The following SPATA31A6 variants were observed in gnomAD, a reference collection of about 807,000 sequenced individuals.
SPATA31A6 encodes spermatogenesis-associated protein 31A6.
A neutral mutation model predicts 11.9 loss-of-function variants in SPATA31A6; 9 were observed. That is an observed-to-expected ratio of 0.76 (90% CI 0.46 to 1.32). The LOEUF is 1.32. Ranked by LOEUF, SPATA31A6 falls within the 40% of genes most tolerant of loss-of-function variation. The pLI is 0.00. For synonymous variants in SPATA31A6, 314 were observed against 572.1 expected (o/e 0.55, Z 6.44); for missense variants, 855 against 1,467.3 (o/e 0.58, Z 6.82).
At position 42,186,927 on chromosome 9, in the gene SPATA31A6, T is replaced by G. The variant is rs1829465234; in HGVS notation, c.1225T>G (p.Trp409Gly). Residue 409 changes from tryptophan (W) to glycine (G), a missense_variant, in exon 4 of 4, where the codon TGG becomes GGG. Transcript: ENST00000332857. The stretch of plus-strand genomic sequence containing the variant: ...TCCTAGGCTCTTGCAGGAAAGTTTT[T>G]GGAAGAATTATAGCCAGCTTTTCTG... ...SDPRLLQESFWKNYSQLFWGL... is the reference protein window; with the variant it reads ...SDPRLLQESFGKNYSQLFWGL... 6.5e-7 allele frequency: 1 copy of G among 1,541,338 alleles called. No homozygotes were observed. Among genetic ancestry groups the G allele is most frequent in the East Asian group, 2.4e-5 (1 of 42,072 alleles).
At position 42,183,677 on chromosome 9, in the gene SPATA31A6, T is replaced by C. The variant is rs62556735; in HGVS notation, c.-11T>C. ...AGAGCTCAGTTGCTTGAAAGCAACG[T>C]GCCTATTCACATGGAGAATCTTCCC... is the stretch of plus-strand genomic sequence containing the variant. On this transcript the variant is annotated 5_prime_UTR_variant, in exon 1 of 4. Coordinates refer to ENST00000332857, the MANE Select transcript of SPATA31A6 (RefSeq NM_001145196.1). 795,414 of 1,489,260 alleles carry C rather than the reference T, an allele frequency of 0.53. 259,162 individuals are homozygous for C. The highest frequency in any genetic ancestry group is 0.77 in the East Asian group (31,811 of 41,160). 92.3% of individuals were successfully genotyped at this position (1,489,260 alleles called of 1,614,324 possible). A position where few individuals can be genotyped will look rare whatever the true frequency, so the allele number is the denominator to read the frequency against.
chr9:42,184,604 A>C (rs1279067123), intron 1 of SPATA31A6, among the ~76,000 whole-genome samples: 2 of 135,662 alleles, frequency 1.5e-5, no homozygotes, highest in East Asian at 4.4e-4. Flanking sequence ...ATATAGGCTC[A>C]CTGCAACCTC....
Position 42,186,894 on chromosome 9 carries a change from T to C in SPATA31A6, c.1192T>C (p.Cys398Arg), listed in dbSNP as rs2808967. The C allele has an allele frequency of 7.5e-3, 11,482 of 1,529,970 alleles. 938 individuals are homozygous for C. Among genetic ancestry groups the C allele is most frequent in the South Asian group, 0.069 (5,781 of 84,262 alleles). The allele number at this position is 1,529,970 out of a possible 1,614,324, so 94.8% of individuals were successfully genotyped here. Reference protein sequence around the residue: ...NSKQLPGPQKCSDPRLLQESF... With the variant: ...NSKQLPGPQKRSDPRLLQESF... Reference sequence around the variant, plus strand: ...GAAACAGCTGCCCGGACCTCAGAAGTGCTCAGATCCTAGGCTCTTGCAGGA... The same window carrying C: ...GAAACAGCTGCCCGGACCTCAGAAGCGCTCAGATCCTAGGCTCTTGCAGGA... The change falls in exon 4 of 4, where the codon TGC becomes CGC. Residue 398 changes from cysteine (C) to arginine (R), a missense_variant. Coordinates refer to ENST00000332857, the MANE Select transcript of SPATA31A6 (RefSeq NM_001145196.1).
In SPATA31A6 at chr9:42,184,537, T is replaced by TTTTATTTTA. The variant is rs1554653567; in HGVS notation, c.190-524_190-523insATTTATTTT. Among the ~76,000 whole-genome samples, 183 of 131,612 alleles carry TTTTATTTTA rather than the reference T, an allele frequency of 1.4e-3. 35 individuals carry two copies. The highest frequency in any genetic ancestry group is 5.5e-3 in the African/African-American group (172 of 31,490). The allele number at this position is 131,612 out of a possible 152,430, so 86.3% of individuals were successfully genotyped here. A position where few individuals can be genotyped will look rare whatever the true frequency, so the allele number is the denominator to read the frequency against. On this transcript the variant is annotated intron_variant, in intron 1 of 3. Transcript: ENST00000332857. ...TTTTATTTTATTTTATTTTATTTTATTTTATTTTTTGAGATGGAGTCTCGC... is the reference window on the plus strand; with the variant it reads ...TTTTATTTTATTTTATTTTATTTTATTTTATTTTATTTATTTTTTGAGATGGAGTCTCGC...
intron 1 of SPATA31A6, among the ~76,000 whole-genome samples, chr9:42,184,580 A>C (rs1829410134): frequency 7.5e-6 from 1 of 133,338 alleles, no homozygotes; most frequent in African/African-American, 3.1e-5. Context: ...CGCAGGTTGC[A>C]GTGAAATGGA....
Position 42,186,863 on chromosome 9 carries a change from G to C in SPATA31A6, c.1161G>C (p.Glu387Asp). 6.5e-7 allele frequency: 1 copy of C among 1,536,222 alleles called. No individual in the cohort carries two copies. Among genetic ancestry groups the C allele is most frequent in the Non-Finnish European group, 8.8e-7 (1 of 1,142,310 alleles). ...CAAAACCCTTCTGGAACATGGGAGA[G>C]AACTCGAAACAGCTGCCCGGACCTC... is the stretch of plus-strand genomic sequence containing the variant. The part of the protein sequence containing the change: ...TNPKPFWNMG[E>D]NSKQLPGPQK... The change falls in exon 4 of 4, where the codon GAG (glutamate) becomes GAC (aspartate). Residue 387 changes from glutamate (E) to aspartate (D), a missense_variant. Physicochemically the swap from Glu to Asp is conservative, Grantham distance 45. Transcript: ENST00000332857.
rs544015600 is a variant in SPATA31A6 at position 42,185,047 on chromosome 9, C to T, written c.190-22C>T. 1.2e-4 allele frequency: 191 copies of T among 1,536,258 alleles called. 26 individuals carry two copies. Among genetic ancestry groups the T allele is most frequent in the Non-Finnish European group, 1.6e-4 (185 of 1,135,814 alleles). On this transcript the variant is annotated intron_variant, in intron 1 of 3. Transcript: ENST00000332857. ...TTGTCTCTCCGCGTCATCTTGTCTC[C>T]GTACGTCATCATGTCTCCCAGTGTC...
chr9:42,184,016 G>A lies in SPATA31A6; in HGVS notation c.189+140G>A. 3 of 1,390,430 alleles carry A rather than the reference G, an allele frequency of 2.2e-6. 1 individual carries two copies. The highest frequency in any genetic ancestry group is 9.6e-7 in the Non-Finnish European group (1 of 1,044,054). 86.1% of individuals were successfully genotyped at this position (1,390,430 alleles called of 1,614,324 possible). ...GACCAGAACATCATCCTTCCAGGGA[G>A]AGGCAGGGCAGCCAGGGGTTGGTAG... On this transcript the variant is annotated intron_variant, in intron 1 of 3. Transcript: ENST00000332857.
Position 42,188,898 on chromosome 9 carries a change from C to T in SPATA31A6, c.3196C>T (p.Gln1066Ter), listed in dbSNP as rs750140371. The change falls in exon 4 of 4, where the codon CAG becomes TAG. Residue 1066 changes from glutamine (Q) to a stop codon, truncating the protein, a stop_gained. Coordinates refer to ENST00000332857, the MANE Select transcript of SPATA31A6 (RefSeq NM_001145196.1). LOFTEE classifies it low-confidence loss of function (END_TRUNC). Reference sequence around the variant, plus strand: ...GCCTACTGGGAACATGCGGGCTTCCCAGGAGCTACATGACCTCATGGCAGC... The same window carrying T: ...GCCTACTGGGAACATGCGGGCTTCCTAGGAGCTACATGACCTCATGGCAGC... ...SMPTGNMRAS[Q>*]ELHDLMAARR... The T allele has an allele frequency of 1.6e-5, 24 of 1,544,676 alleles. 3 individuals carry two copies. The highest frequency in any genetic ancestry group is 3.1e-5 in the African/African-American group (2 of 64,146).
rs749137820 is a variant in SPATA31A6, at chr9:42,187,790, G to C, written c.2088G>C (p.Glu696Asp). ...PRKVLGVTSE[E>D]SERNLRKPLR... ...AGGTTCTGGGGGTGACTTCTGAGGA[G>C]TCGGAAAGGAACTTGAGGAAGCCCT... Residue 696 changes from glutamate (E) to aspartate (D), a missense_variant, in exon 4 of 4, where the codon GAG (glutamate) becomes GAC (aspartate). Coordinates refer to ENST00000332857, the MANE Select transcript of SPATA31A6 (RefSeq NM_001145196.1). 8.0e-6 allele frequency: 12 copies of C among 1,491,436 alleles called. 2 individuals carry two copies. The South Asian group carries it at 1.4e-4, about 18-fold the overall frequency. The allele number at this position is 1,491,436 out of a possible 1,614,324, so 92.4% of individuals were successfully genotyped here.
rs1361766311 is a variant in SPATA31A6, at chr9:42,184,737, A to C, written c.190-332A>C. On this transcript the variant is annotated intron_variant, in intron 1 of 3. Coordinates refer to ENST00000332857, the MANE Select transcript of SPATA31A6 (RefSeq NM_001145196.1). ...GTAGAGACGGGGTTTCACCATGGCC[A>C]GGCTGGTCTCAAACTCCTGACCTCA... Among the ~76,000 whole-genome samples, 22 of 135,832 alleles carry C rather than the reference A, an allele frequency of 1.6e-4. 4 individuals are homozygous for C. Among genetic ancestry groups the C allele is most frequent in the South Asian group, 4.8e-4 (2 of 4,200 alleles). The allele number at this position is 135,832 out of a possible 152,430, so 89.1% of individuals were successfully genotyped here.
At position 42,183,819 on chromosome 9, in the gene SPATA31A6, C is replaced by A; in HGVS notation, c.132C>A (p.Pro44=). 1.3e-6 allele frequency: 2 copies of A among 1,534,248 alleles called. No homozygotes were observed. Among genetic ancestry groups the A allele is most frequent in the Non-Finnish European group, 1.8e-6 (2 of 1,138,100 alleles). ...FALGFFFLLL[P]YLSYFHCDDP... ...TGGGGTTCTTCTTCCTATTACTCCC[C>A]TACTTATCTTACTTCCATTGTGATG... Residue 44 remains proline (P), a synonymous_variant, in exon 1 of 4, where the codon CCC becomes CCA. Coordinates refer to ENST00000332857, the MANE Select transcript of SPATA31A6 (RefSeq NM_001145196.1).
In SPATA31A6 at chr9:42,189,277, G is replaced by T. The variant is rs1433174943; in HGVS notation, c.3575G>T (p.Arg1192Ile). Residue 1192 changes from arginine to isoleucine, a missense_variant, in exon 4 of 4, where the codon AGA (arginine) becomes ATA (isoleucine). Transcript: ENST00000332857. ...TAESQKTVKN[R>I]SCVYSSSAEA... is the part of the protein sequence containing the mutation. ...GAGAGCCAAAAAACAGTAAAAAACAGATCATGTGTGTACAGCAGCAGTGCT... is the reference window on the plus strand; with the variant it reads ...GAGAGCCAAAAAACAGTAAAAAACATATCATGTGTGTACAGCAGCAGTGCT... 9.0e-6 allele frequency: 14 copies of T among 1,561,528 alleles called. 1 individual carries two copies. The highest frequency in any genetic ancestry group is 2.3e-5 in the South Asian group (2 of 87,970).
At position 42,186,668 on chromosome 9, in the gene SPATA31A6, T is replaced by C. The variant is rs1419541253; in HGVS notation, c.966T>C (p.Ser322=). The change falls in exon 4 of 4, where the codon TCT becomes TCC. Residue 322 remains serine, a synonymous_variant. Transcript: ENST00000332857. ...MEAGSLFLLS[S]DGQNVVGIQV... ...CTGGTAGCCTGTTTTTGCTCAGCTC[T>C]GATGGCCAGAATGTCGTGGGGATAC... is the stretch of plus-strand genomic sequence containing the variant. The C allele has an allele frequency of 6.5e-7, 1 of 1,532,086 alleles. No homozygotes were observed. The highest frequency in any genetic ancestry group is 1.8e-5 in the Admixed American group (1 of 56,858). 94.9% of individuals were successfully genotyped at this position (1,532,086 alleles called of 1,614,324 possible). A position where few individuals can be genotyped will look rare whatever the true frequency, so the allele number is the denominator to read the frequency against.
chr9:42,184,527 T>C (rs1370611881), intron 1 of SPATA31A6, among the ~76,000 whole-genome samples: 1 of 128,184 alleles, frequency 7.8e-6, no homozygotes, highest in Non-Finnish European at 1.6e-5. Flanking sequence ...TTTTATTTTA[T>C]TTTATTTTAT....
rs1170269254 is a variant in SPATA31A6, at chr9:42,189,278, A to G, written c.3576A>G (p.Arg1192=). ...TAESQKTVKN[R]SCVYSSSAEA... is the part of the protein sequence containing the mutation. ...AGAGCCAAAAAACAGTAAAAAACAGATCATGTGTGTACAGCAGCAGTGCTG... is the reference window on the plus strand; with the variant it reads ...AGAGCCAAAAAACAGTAAAAAACAGGTCATGTGTGTACAGCAGCAGTGCTG... The change falls in exon 4 of 4, where the codon AGA becomes AGG. Residue 1192 remains arginine (R), a synonymous_variant. Transcript: ENST00000332857. 6.4e-7 allele frequency: 1 copy of G among 1,561,566 alleles called. No homozygotes were observed. Among genetic ancestry groups the G allele is most frequent in the African/African-American group, 1.5e-5 (1 of 65,708 alleles).
Position 42,189,519 on chromosome 9 carries a change from G to A in SPATA31A6, c.3817G>A (p.Gly1273Ser), listed in dbSNP as rs544816197. 2,715 of 1,563,294 alleles carry A rather than the reference G, an allele frequency of 1.7e-3. 498 individuals carry two copies. The African/African-American group carries it at 0.038, about 22-fold the overall frequency. Residue 1273 changes from glycine to serine, a missense_variant, in exon 4 of 4, where the codon GGT becomes AGT. Gly to Ser is a moderately conservative substitution (Grantham distance 56, BLOSUM62 0). Coordinates refer to ENST00000332857, the MANE Select transcript of SPATA31A6 (RefSeq NM_001145196.1). ...TCAACAAGCCACTCTCAAGAGCCAG[G>A]GTTGTCCCAACAGAGACAGGCAAAT... The part of the protein sequence containing the change: ...SSQQATLKSQ[G>S]CPNRDRQIRN...
rs765873888 is a variant in SPATA31A6, at chr9:42,186,700, C to T, written c.998C>T (p.Thr333Ile). 5 of 1,531,098 alleles carry T rather than the reference C, an allele frequency of 3.3e-6. 1 individual carries two copies. The South Asian group carries it at 3.4e-5, about 11-fold the overall frequency. 94.8% of individuals were successfully genotyped at this position (1,531,098 alleles called of 1,614,324 possible). A position where few individuals can be genotyped will look rare whatever the true frequency, so the allele number is the denominator to read the frequency against. The change falls in exon 4 of 4, where the codon ACA becomes ATA. Residue 333 changes from threonine to isoleucine, a missense_variant. Physicochemically the swap from Thr to Ile is moderately conservative, Grantham distance 89. Coordinates refer to ENST00000332857, the MANE Select transcript of SPATA31A6 (RefSeq NM_001145196.1). ...CAGAATGTCGTGGGGATACAAGTCA[C>T]AGAAACAGCCAAGGTCAACATTTGG... ...DGQNVVGIQVTETAKVNIWEE... is the reference protein window; with the variant it reads ...DGQNVVGIQVIETAKVNIWEE...
At position 42,187,167 on chromosome 9, in the gene SPATA31A6, C is replaced by T. The variant is rs202002661; in HGVS notation, c.1465C>T (p.Pro489Ser). Residue 489 changes from proline to serine, a missense_variant, in exon 4 of 4, where the codon CCT becomes TCT. Pro to Ser is a moderately conservative substitution (Grantham distance 74, BLOSUM62 -1). Coordinates refer to ENST00000332857, the MANE Select transcript of SPATA31A6 (RefSeq NM_001145196.1). ...ISSTPQFLPTPMAQAEAQAHL... is the reference protein window; with the variant it reads ...ISSTPQFLPTSMAQAEAQAHL... The stretch of plus-strand genomic sequence containing the variant: ...ATCCACACCCCAATTCCTGCCCACA[C>T]CTATGGCTCAGGCCGAGGCTCAGGC... 4.8e-5 allele frequency: 74 copies of T among 1,543,264 alleles called. 15 individuals are homozygous for T. The African/African-American group carries it at 8.8e-4, about 18-fold the overall frequency.
Sources: allele counts gnomAD v4.1 joint callset (sites outside exome capture counted in the v4.1 genomes callset), GRCh38; gene constraint gnomAD v4.1.1; transcripts MANE v1.5; gene names NCBI Gene and HGNC (gene_info 2026-07-23, HGNC 2026-07-21).